UNC5B: variants seen among roughly 807,000 people sequenced by gnomAD.
The protein encoded by UNC5B is netrin receptor UNC5B.
A neutral mutation model predicts 103.7 loss-of-function variants in UNC5B; 56 were observed. The ratio of observed to expected loss-of-function variants is 0.54; its 90% CI spans 0.44 to 0.67. UNC5B has a LOEUF of 0.67. Among genes scored for constraint, UNC5B ranks in the 30% least tolerant of loss-of-function variants. The pLI is 0.00. For synonymous variants in UNC5B, 577 were observed against 542.0 expected (o/e 1.06, Z -0.90); for missense variants, 1,194 against 1,284.5 (o/e 0.93, Z 1.08).
At chr10:71,238,748 T>G (rs1212926837) in intron 1 of UNC5B, among the ~76,000 whole-genome samples, 1 of 152,152 alleles carries the variant, frequency 6.6e-6, no homozygotes, top group African/African-American at 2.4e-5. Flanking sequence ...GGGCAGCATT[T>G]TCACTCTCTT....
chr10:71,292,384 C>G, intron 10 of UNC5B, 83 bp from the exon 11 acceptor site: 1 of 1,242,472 alleles, frequency 8.0e-7, no homozygotes, highest in Non-Finnish European at 1.1e-6. Context: ...ATCTTTCTCT[C>G]CCAGCCCCAA....
rs1845597770 is a variant in UNC5B, at chr10:71,302,234, T to TA, written c.*2958dup. On this transcript the variant is annotated 3_prime_UTR_variant, in exon 17 of 17. Transcript: ENST00000335350. The stretch of plus-strand genomic sequence containing the variant: ...GTACCCTTGGGGGTTGCAGGGCCCT[T>TA]ACGCAGGTATTTCTCTCTCTCTCCT... 6.6e-6 allele frequency: 1 copy of TA among 151,716 alleles called. No homozygotes were observed. Among genetic ancestry groups the TA allele is most frequent in the African/African-American group, 2.4e-5 (1 of 41,224 alleles). 9.4% of individuals were successfully genotyped at this position (151,716 alleles called of 1,614,324 possible).
Position 71,269,241 on chromosome 10 carries a change from C to CT in UNC5B, c.80-10570dup, listed in dbSNP as rs373589886. Among the ~76,000 whole-genome samples, 1,101 of 148,518 alleles carry CT rather than the reference C, an allele frequency of 7.4e-3. 12 individuals carry two copies. Among genetic ancestry groups the CT allele is most frequent in the African/African-American group, 0.024 (955 of 40,578 alleles). ...GGAATGGGGCGGCTTTTATTTTCATCTTTTTTTTTTCTAGATTGTTTACAG... is the reference window on the plus strand; with the variant it reads ...GGAATGGGGCGGCTTTTATTTTCATCTTTTTTTTTTTCTAGATTGTTTACAG... On this transcript the variant is annotated intron_variant, in intron 1 of 16. Coordinates refer to ENST00000335350, the MANE Select transcript of UNC5B (RefSeq NM_170744.5).
intron 1 of UNC5B, among the ~76,000 whole-genome samples, chr10:71,231,367 T>G (rs904197411): frequency 1.3e-5 from 2 of 152,234 alleles, no homozygotes; most frequent in Non-Finnish European, 2.9e-5. Flanking sequence ...GAGCTTGGCG[T>G]GGCTGGCTCC....
intron 1 of UNC5B, among the ~76,000 whole-genome samples, chr10:71,249,660 A>C (rs948179114): frequency 1.3e-5 from 2 of 152,026 alleles, no homozygotes; most frequent in Non-Finnish European, 2.9e-5. Flanking sequence ...TACCACCCTC[A>C]TCTCTCTCCC....
At chr10:71,243,529 C>T (rs1843955554) in intron 1 of UNC5B, among the ~76,000 whole-genome samples, 1 of 152,240 alleles carries the variant, frequency 6.6e-6, no homozygotes, top group African/African-American at 2.4e-5. Context: ...CTAGTGGCCA[C>T]TGTGTTGGAT....
intron 1 of UNC5B, among the ~76,000 whole-genome samples, chr10:71,222,079 C>G (rs968649043): frequency 2.6e-5 from 4 of 152,132 alleles, no homozygotes; most frequent in Non-Finnish European, 5.9e-5. Flanking sequence ...GAGGAAGAAG[C>G]TCTTGTGGTC....
chr10:71,276,382 CT>C (rs1379634894), intron 1 of UNC5B, among the ~76,000 whole-genome samples: 2 of 152,168 alleles, frequency 1.3e-5, no homozygotes, highest in East Asian at 3.9e-4. Flanking sequence ...TCTAGCCCAC[CT>C]TTCAAGCCTT....
At chr10:71,225,137 C>G (rs553040735) in intron 1 of UNC5B, among the ~76,000 whole-genome samples, 3 of 152,318 alleles carry the variant, frequency 2.0e-5, no homozygotes, top group East Asian at 3.9e-4. Flanking sequence ...CTGTGTGATA[C>G]GCAAATCTCA....
chr10:71,288,914 C>G (rs1304435952), intron 7 of UNC5B, 44 bp from the exon 8 acceptor site: 2 of 1,606,906 alleles, frequency 1.2e-6, no homozygotes, highest in East Asian at 4.5e-5. Context: ...CCACCCTTTC[C>G]CTGTCACCTA....
chr10:71,296,486 C>T (rs1845415483), intron 14 of UNC5B, 92 bp from the exon 15 acceptor site: 1 of 1,466,866 alleles, frequency 6.8e-7, no homozygotes, highest in Admixed American at 2.0e-5. Flanking sequence ...TGAACTGCCC[C>T]CCAAAGCTCC....
chr10:71,279,829 T>G lies in UNC5B; in HGVS notation c.88T>G (p.Ser30Ala), dbSNP rs1218970201. The change falls in exon 2 of 17, where the codon TCT becomes GCT. Residue 30 changes from serine (S) to alanine (A), a missense_variant. By Grantham distance (99) the Ser-to-Ala change is moderately conservative. Transcript: ENST00000335350. ...DPRLSQAGTD[S>A]GSEVLPDSFP... ...CTCCACTCACTCTGCAGGCACTGAT[T>G]CTGGCAGCGAGGTGCTCCCTGACTC... 1.2e-6 allele frequency: 2 copies of G among 1,612,966 alleles called. No homozygotes were observed. The highest frequency in any genetic ancestry group is 1.3e-5 in the African/African-American group (1 of 74,890).
In UNC5B at chr10:71,287,723, G is replaced by A. The variant is rs1390056507; in HGVS notation, c.859G>A (p.Gly287Ser). The change falls in exon 6 of 17, where the codon GGC becomes AGC. Residue 287 changes from glycine to serine, a missense_variant. Gly to Ser is a moderately conservative substitution (Grantham distance 56). Transcript: ENST00000335350. ...APLNGGAFCEGQAFQKTACTT... is the reference protein window; with the variant it reads ...APLNGGAFCESQAFQKTACTT... ...ACTCAACGGAGGGGCCTTCTGCGAG[G>A]GCCAGGCATTCCAGAAGACCGCCTG... The A allele has an allele frequency of 6.2e-7, 1 of 1,612,892 alleles. No individual in the cohort carries two copies. Among genetic ancestry groups the A allele is most frequent in the South Asian group, 1.1e-5 (1 of 90,912 alleles).
At chr10:71,279,649 C>A (rs2132298258) in intron 1 of UNC5B, among the ~76,000 whole-genome samples, 172 bp from the exon 2 acceptor site, 1 of 152,330 alleles carries the variant, frequency 6.6e-6, no homozygotes, top group East Asian at 1.9e-4. Context: ...ACTGAGGCCG[C>A]AGGAGTGCCA....
chr10:71,259,111 C>T (rs371895880), intron 1 of UNC5B, among the ~76,000 whole-genome samples: 9 of 152,276 alleles, frequency 5.9e-5, no homozygotes, highest in East Asian at 5.8e-4. Context: ...ATGACTGGGC[C>T]GGGTGCAGTG....
At chr10:71,244,275 T>A (rs1843971664) in intron 1 of UNC5B, among the ~76,000 whole-genome samples, 1 of 152,208 alleles carries the variant, frequency 6.6e-6, no homozygotes, top group African/African-American at 2.4e-5. Context: ...GGCAGGTTCA[T>A]CCCTACAGCC....
At chr10:71,240,166 G>A (rs889993892) in intron 1 of UNC5B, among the ~76,000 whole-genome samples, 13 of 152,032 alleles carry the variant, frequency 8.6e-5, no homozygotes, top group African/African-American at 1.2e-4. Flanking sequence ...CGCGCTTCTC[G>A]TGTGCCAACC....
At chr10:71,290,871 G>T in intron 8 of UNC5B, 44 bp from the exon 9 acceptor site, 1 of 1,568,182 alleles carries the variant, frequency 6.4e-7, no homozygotes, top group Non-Finnish European at 8.6e-7. Context: ...TTGCCCCAGG[G>T]CCTGGTCTCT....
At chr10:71,225,124 T>G (rs1413523296) in intron 1 of UNC5B, among the ~76,000 whole-genome samples, 6 of 152,172 alleles carry the variant, frequency 3.9e-5, no homozygotes. Flanking sequence ...GCCAAATCTG[T>G]CTCTGTGTGA....
Sources: gnomAD v4.1 joint callset for allele counts (sites outside exome capture counted in the v4.1 genomes callset) on GRCh38, gnomAD v4.1.1 for gene constraint, MANE v1.5 for transcripts, NCBI Gene and HGNC (gene_info 2026-07-23, HGNC 2026-07-21) for gene names.